OGFOD1: variants seen among roughly 807,000 people sequenced by gnomAD.
OGFOD1 encodes prolyl 3-hydroxylase OGFOD1.
Under a neutral mutation model 67.7 loss-of-function variants are expected in OGFOD1, and 54 were observed. The observed-to-expected ratio is 0.80, with a 90% CI of 0.64 to 1.00. OGFOD1 has a LOEUF of 1.00. OGFOD1 is among the 50% of genes least tolerant of loss of function. OGFOD1 has a pLI of 0.00. For synonymous variants in OGFOD1, 221 were observed against 227.0 expected, an observed-to-expected ratio of 0.97 and a Z score of 0.24; for missense variants, 606 against 646.7, an observed-to-expected ratio of 0.94 and a Z score of 0.68.
At chr16:56,456,303 G>A (rs1389196102) in intron 2 of OGFOD1, among the ~76,000 whole-genome samples, 2 of 152,096 alleles carry the variant, frequency 1.3e-5, no homozygotes, top group African/African-American at 4.8e-5. Flanking sequence ...ACTTCTTAAT[G>A]ATAGAGTATT....
At chr16:56,451,545 G>T, upstream of OGFOD1, 1 of 1,535,560 alleles carries the variant, frequency 6.5e-7, no homozygotes, top group Non-Finnish European at 8.9e-7. Context: ...GGACATGCCG[G>T]GAGTTGCAGT....
At position 56,478,885 on chromosome 16, in the gene OGFOD1, T is replaced by C. The variant is rs1567561176; in HGVS notation, c.*2680T>C. The C allele has an allele frequency of 6.6e-6, 1 of 152,186 alleles. No individual in the cohort carries two copies. Among genetic ancestry groups the C allele is most frequent in the Non-Finnish European group, 1.5e-5 (1 of 68,036 alleles). 9.4% of individuals were successfully genotyped at this position (152,186 alleles called of 1,614,324 possible). ...ATCTACAGCAGCACCTCTTAGATTG[T>C]GAAGGATGGTGTAACTTAAAAGATT... On this transcript the variant is annotated 3_prime_UTR_variant, in exon 13 of 13. Transcript: ENST00000566157.
At chr16:56,469,850 CAAAAAAA>C (rs751278368) in intron 8 of OGFOD1, among the ~76,000 whole-genome samples, 146 bp from the exon 9 acceptor site, 4 of 53,322 alleles carry the variant, frequency 7.5e-5, no homozygotes, top group African/African-American at 2.2e-4. Context: ...AACTCCATCT[CAAAAAAA>C]AAAAAAAAAA....
At position 56,466,869 on chromosome 16, in the gene OGFOD1, G is replaced by T; in HGVS notation, c.566-7G>T. The T allele has an allele frequency of 1.2e-6, 2 of 1,600,146 alleles. No individual in the cohort carries two copies. The highest frequency in any genetic ancestry group is 1.7e-6 in the Non-Finnish European group (2 of 1,167,558). ...ATAATTTATTGATGTGTTCTTTCCT[G>T]GTGCAGAACACTTTCAGCCGAAGCA... On this transcript the variant is annotated splice_polypyrimidine_tract_variant and splice_region_variant and intron_variant, in intron 5 of 12. Coordinates refer to ENST00000566157, the MANE Select transcript of OGFOD1 (RefSeq NM_018233.4).
At position 56,466,149 on chromosome 16, in the gene OGFOD1, C is replaced by A. The variant is rs1462046926; in HGVS notation, c.449-3C>A. ...ATCTAAGGTGTCCATTAAACTATTG[C>A]AGATGCCCTGCTGTGCCATGATGAT... On this transcript the variant is annotated splice_polypyrimidine_tract_variant and splice_region_variant and intron_variant, in intron 4 of 12. Transcript: ENST00000566157. 3 of 1,610,328 alleles carry A rather than the reference C, an allele frequency of 1.9e-6. No individual in the cohort carries two copies. The highest frequency in any genetic ancestry group is 2.5e-6 in the Non-Finnish European group (3 of 1,176,684).
At position 56,458,539 on chromosome 16, in the gene OGFOD1, A is replaced by G. The variant is rs755027465; in HGVS notation, c.301-9A>G. ...AAATCCCTTTTTTTTCTCTATTTTCATGATCAAGTCTGATGATTTGAAGAA... is the reference window on the plus strand; with the variant it reads ...AAATCCCTTTTTTTTCTCTATTTTCGTGATCAAGTCTGATGATTTGAAGAA... On this transcript the variant is annotated splice_polypyrimidine_tract_variant and intron_variant, in intron 2 of 12. Transcript: ENST00000566157. 2 of 1,612,056 alleles carry G rather than the reference A, an allele frequency of 1.2e-6. No homozygotes were observed. The highest frequency in any genetic ancestry group is 8.5e-7 in the Non-Finnish European group (1 of 1,178,268).
intron 3 of OGFOD1, among the ~76,000 whole-genome samples, chr16:56,461,360 C>G (rs1020716290): frequency 6.6e-6 from 1 of 152,212 alleles, no homozygotes; most frequent in African/African-American, 2.4e-5. Context: ...GGTGGTGTAC[C>G]TGGGGAGGAC....
intron 11 of OGFOD1, 148 bp downstream of exon 11, chr16:56,475,098 G>A (rs933365670): frequency 3.8e-5 from 31 of 820,768 alleles, no homozygotes; most frequent in South Asian, 5.5e-5. Flanking sequence ...GGGATTTTAC[G>A]GGTCATGAAT....
intron 2 of OGFOD1, chr16:56,454,772 A>G (rs1278860583): frequency 6.7e-6 from 3 of 448,346 alleles, no homozygotes; most frequent in South Asian, 1.6e-5. Flanking sequence ...CTTTTACACT[A>G]GAGCTGATTG....
chr16:56,475,409 T>C, intron 11 of OGFOD1, 98 bp from the exon 12 acceptor site: 1 of 1,074,248 alleles, frequency 9.3e-7, no homozygotes, highest in Non-Finnish European at 1.4e-6. Context: ...AACTCCCAGA[T>C]CCCCCACTGT....
intron 8 of OGFOD1, among the ~76,000 whole-genome samples, chr16:56,469,760 G>A (rs1205924252): frequency 6.9e-6 from 1 of 144,584 alleles, no homozygotes; most frequent in East Asian, 2.1e-4. Context: ...TGAGGCAGGA[G>A]AATCGTTTGA....
Position 56,453,382 on chromosome 16 carries a change from TATA to T in OGFOD1, c.277_279del (p.Asn93del). 1 of 1,611,650 alleles carries T rather than the reference TATA, an allele frequency of 6.2e-7. No homozygotes were observed. On this transcript the variant is annotated inframe_deletion, in exon 2 of 13. Transcript: ENST00000566157. The stretch of plus-strand genomic sequence containing the variant: ...GATGAACTTGGACTTCCATGAGAAG[TATA>T]ATGATTTATATAAGTTCCAGCAGGT...
chr16:56,456,824 AGAT>A (rs1248922530), intron 2 of OGFOD1, among the ~76,000 whole-genome samples: 1 of 152,240 alleles, frequency 6.6e-6, no homozygotes. Flanking sequence ...TCTACCATCT[AGAT>A]TTATGTAAAT....
intron 2 of OGFOD1, among the ~76,000 whole-genome samples, chr16:56,453,872 G>A (rs1307760021): frequency 2.0e-5 from 3 of 152,178 alleles, no homozygotes; most frequent in Non-Finnish European, 2.9e-5. Context: ...TAATAGCAAC[G>A]TGATCTTTCC....
intron 4 of OGFOD1, among the ~76,000 whole-genome samples, chr16:56,463,714 G>T (rs12917832): frequency 1.3e-5 from 2 of 151,344 alleles, no homozygotes. Context: ...GAGCTACCAT[G>T]CCAGTATTTT....
Position 56,470,625 on chromosome 16 carries a change from A to T in OGFOD1, c.1119A>T (p.Glu373Asp), listed in dbSNP as rs1479723245. Reference protein sequence around the residue: ...LKLHFLAPSEEDEMNDKKEAE... With the variant: ...LKLHFLAPSEDDEMNDKKEAE... Reference sequence around the variant, plus strand: ...TTCATTTCTTGGCCCCTTCGGAAGAAGATGAGATGAATGATAAAAAAGAGG... The same window carrying T: ...TTCATTTCTTGGCCCCTTCGGAAGATGATGAGATGAATGATAAAAAAGAGG... The change falls in exon 10 of 13, where the codon GAA (glutamate) becomes GAT (aspartate). Residue 373 changes from glutamate (E) to aspartate (D), a missense_variant. Coordinates refer to ENST00000566157, the MANE Select transcript of OGFOD1 (RefSeq NM_018233.4). The T allele has an allele frequency of 1.9e-6, 3 of 1,614,090 alleles. No individual in the cohort carries two copies. Among genetic ancestry groups the T allele is most frequent in the South Asian group, 1.1e-5 (1 of 91,088 alleles).
chr16:56,454,596 T>G (rs771717909), intron 2 of OGFOD1, among the ~76,000 whole-genome samples: 3 of 151,940 alleles, frequency 2.0e-5, no homozygotes, highest in Non-Finnish European at 4.4e-5. Flanking sequence ...GGGTATATCT[T>G]TCAGTACATG....
chr16:56,456,051 T>G (rs542246289), intron 2 of OGFOD1, among the ~76,000 whole-genome samples: 8 of 152,202 alleles, frequency 5.3e-5, no homozygotes, highest in Non-Finnish European at 1.0e-4. Flanking sequence ...GGCTTTCGCT[T>G]GTACTACTGC....
intron 3 of OGFOD1, among the ~76,000 whole-genome samples, chr16:56,461,026 C>T (rs1962693864): frequency 6.6e-6 from 1 of 152,192 alleles, no homozygotes; most frequent in Non-Finnish European, 1.5e-5. Context: ...TGAAGGATTT[C>T]ACTCATTATT....
Sources: allele counts gnomAD v4.1 joint callset (sites outside exome capture counted in the v4.1 genomes callset), GRCh38; gene constraint gnomAD v4.1.1; transcripts MANE v1.5; gene names NCBI Gene and HGNC (gene_info 2026-07-23, HGNC 2026-07-21).